Variants in SORCS1 observed in about 807,000 individuals in gnomAD.
The protein encoded by SORCS1 is VPS10 domain-containing receptor SorCS1.
A neutral mutation model predicts 146.1 loss-of-function variants in SORCS1; 60 were observed. The observed-to-expected ratio is 0.41, with a 90% CI of 0.33 to 0.51. The LOEUF (loss-of-function observed/expected upper bound fraction) is 0.51. SORCS1 is among the 20% of genes least tolerant of loss of function. SORCS1 has a pLI of 0.21. For synonymous variants in SORCS1, 637 were observed against 584.0 expected (o/e 1.09, Z -1.31); for missense variants, 1,352 against 1,487.6 (o/e 0.91, Z 1.50).
chr10:107,068,311 C>A (rs1962087837), intron 1 of SORCS1, among the ~76,000 whole-genome samples: 1 of 152,144 alleles, frequency 6.6e-6, no homozygotes, highest in South Asian at 2.1e-4. Flanking sequence ...CAACTGAACT[C>A]CCAGCACACT....
intron 1 of SORCS1, among the ~76,000 whole-genome samples, chr10:106,976,340 T>TTTGTTTTG (rs779242730): frequency 8.1e-6 from 1 of 123,672 alleles, no homozygotes; most frequent in Admixed American, 7.4e-5. Flanking sequence ...TTTGTTTTTT[T>TTTGTTTTG]TTTTTTTTTG....
chr10:106,928,187 C>T (rs1953180810), intron 2 of SORCS1, among the ~76,000 whole-genome samples: 1 of 152,228 alleles, frequency 6.6e-6, no homozygotes, highest in Non-Finnish European at 1.5e-5. Context: ...TCGGGCCGCA[C>T]AGGAGCCCAC....
chr10:107,019,180 T>C (rs1589944176), intron 1 of SORCS1, among the ~76,000 whole-genome samples: 1 of 152,232 alleles, frequency 6.6e-6, no homozygotes, highest in East Asian at 1.9e-4. Context: ...ATTGTAGATC[T>C]AGCCTGTAGC....
At chr10:106,937,336 ATTT>A (rs111634393) in intron 2 of SORCS1, among the ~76,000 whole-genome samples, 1 of 143,698 alleles carries the variant, frequency 7.0e-6, no homozygotes, top group African/African-American at 2.6e-5. Flanking sequence ...ATGCCCAGCT[ATTT>A]TTTTTTTTTT....
chr10:106,879,363 G>C (rs201595673), intron 2 of SORCS1, among the ~76,000 whole-genome samples: 39 of 152,206 alleles, frequency 2.6e-4, no homozygotes, highest in African/African-American at 9.2e-4. Flanking sequence ...AATCCATTCA[G>C]TTATTATATA....
At chr10:107,165,328 TG>T (rs1237695157), upstream of SORCS1, among the ~76,000 whole-genome samples, 2 of 150,618 alleles carry the variant, frequency 1.3e-5, no homozygotes, top group Admixed American at 6.6e-5. This position sits in a 1 kb window ranked among gnomAD's most constrained non-coding sequence, Gnocchi z 4.0. Context: ...TGTGTTAGTT[TG>T]GGGGATTTTT....
chr10:106,652,278 A>T lies in SORCS1; in HGVS notation c.2475+104T>A, dbSNP rs1849921906. 2.4e-6 allele frequency: 3 copies of T among 1,273,838 alleles called. No homozygotes were observed. The African/African-American group carries it at 4.5e-5, about 19-fold the overall frequency. 78.9% of individuals were successfully genotyped at this position (1,273,838 alleles called of 1,614,324 possible). A position where few individuals can be genotyped will look rare whatever the true frequency, so the allele number is the denominator to read the frequency against. ...AGTAAAATAAAAATTTTTAAATAGCATCTAAAATGGAGAAAGTTGAAAAAG... is the reference window on the plus strand; with the variant it reads ...AGTAAAATAAAAATTTTTAAATAGCTTCTAAAATGGAGAAAGTTGAAAAAG... On this transcript the variant is annotated intron_variant, in intron 18 of 25. Coordinates refer to ENST00000263054, the MANE Select transcript of SORCS1 (RefSeq NM_052918.5).
chr10:106,755,270 G>A (rs1191815261), intron 5 of SORCS1, among the ~76,000 whole-genome samples: 1 of 152,272 alleles, frequency 6.6e-6, no homozygotes, highest in Non-Finnish European at 1.5e-5. Flanking sequence ...GTCTTTTATT[G>A]GAGGATGAGA....
intron 25 of SORCS1, chr10:106,578,881 A>G: frequency 7.1e-7 from 1 of 1,406,768 alleles, no homozygotes; most frequent in South Asian, 1.6e-5. Flanking sequence ...GGAATAAACT[A>G]ATGAGAGAAA....
intron 2 of SORCS1, among the ~76,000 whole-genome samples, chr10:106,887,438 G>C (rs1369785170): frequency 6.6e-6 from 1 of 152,038 alleles, no homozygotes; most frequent in Non-Finnish European, 1.5e-5. Context: ...TTATTACTTT[G>C]GTATAGAGAC....
chr10:106,773,703 A>G (rs1860201823), intron 4 of SORCS1, among the ~76,000 whole-genome samples: 1 of 152,142 alleles, frequency 6.6e-6, no homozygotes, highest in East Asian at 1.9e-4. Flanking sequence ...TAATCCCAGC[A>G]CTTTGGGAGG....
chr10:106,746,327 C>T (rs1857742853), intron 5 of SORCS1, among the ~76,000 whole-genome samples: 1 of 152,124 alleles, frequency 6.6e-6, no homozygotes, highest in African/African-American at 2.4e-5. Context: ...TCTGTATTAT[C>T]TTTGTAATTG....
rs529084999 is a variant in SORCS1 at position 106,671,225 on chromosome 10, G to C, written c.2189+12C>G. Reference sequence around the variant, plus strand: ...CACCAAATGGCTCCAGGAGATAATTGCACAAGCTCACCAATCAAAATCAGC... The same window carrying C: ...CACCAAATGGCTCCAGGAGATAATTCCACAAGCTCACCAATCAAAATCAGC... On this transcript the variant is annotated intron_variant, in intron 16 of 25. Coordinates refer to ENST00000263054, the MANE Select transcript of SORCS1 (RefSeq NM_052918.5). The C allele has an allele frequency of 6.2e-7, 1 of 1,613,964 alleles. No homozygotes were observed. The highest frequency in any genetic ancestry group is 1.7e-5 in the Admixed American group (1 of 60,018).
chr10:107,066,728 G>C (rs1961899748), intron 1 of SORCS1, among the ~76,000 whole-genome samples: 1 of 152,262 alleles, frequency 6.6e-6, no homozygotes, highest in South Asian at 2.1e-4. Flanking sequence ...AAATGGGACT[G>C]AGTTCTCTAA....
intron 10 of SORCS1, among the ~76,000 whole-genome samples, chr10:106,686,729 T>C (rs1331827350): frequency 1.3e-5 from 2 of 152,148 alleles, no homozygotes; most frequent in African/African-American, 4.8e-5. Flanking sequence ...TTAGACTGCT[T>C]CCCTGATGCA....
At chr10:107,140,570 C>T (rs1261071289) in intron 1 of SORCS1, among the ~76,000 whole-genome samples, 1 of 152,140 alleles carries the variant, frequency 6.6e-6, no homozygotes, top group Non-Finnish European at 1.5e-5. Flanking sequence ...TACAACCTGC[C>T]TTTAGTAGAA....
intron 23 of SORCS1, chr10:106,600,706 G>A (rs926582911): frequency 2.0e-6 from 2 of 985,260 alleles, no homozygotes; most frequent in Non-Finnish European, 2.4e-6. Flanking sequence ...GCATCTTCAT[G>A]GAAAGGAACA....
At chr10:106,862,780 C>CA (rs58654489) in intron 2 of SORCS1, among the ~76,000 whole-genome samples, 2,762 of 60,272 alleles carry the variant, frequency 0.046, 327 homozygotes, top group East Asian at 0.096. Context: ...CCTGTCTCTA[C>CA]AAAAAAAAAA....
chr10:106,667,682 C>T lies in SORCS1; in HGVS notation c.2303+7G>A, dbSNP rs966046914. The T allele has an allele frequency of 6.2e-7, 1 of 1,609,832 alleles. No homozygotes were observed. Among genetic ancestry groups the T allele is most frequent in the Non-Finnish European group, 8.5e-7 (1 of 1,176,610 alleles). ...GGCCTCTCAAGGTCACTACTCCAGA[C>T]ACTTACCCAGTACTATTGAGGTAAC... On this transcript the variant is annotated splice_region_variant and intron_variant, in intron 17 of 25. Coordinates refer to ENST00000263054, the MANE Select transcript of SORCS1 (RefSeq NM_052918.5).
Sources: gnomAD v4.1 joint callset for allele counts (sites outside exome capture counted in the v4.1 genomes callset) on GRCh38, gnomAD v4.1.1 for gene constraint, Gnocchi (gnomAD v3.1) non-coding constraint, MANE v1.5 for transcripts, NCBI Gene and HGNC (gene_info 2026-07-23, HGNC 2026-07-21) for gene names.